The following ADGRA2 variants were observed in gnomAD, a reference collection of about 807,000 sequenced individuals.
The protein encoded by ADGRA2 is G-protein coupled receptor 124.
In ADGRA2, 61 loss-of-function variants were observed where a neutral mutation model predicts 98.7. The ratio of observed to expected loss-of-function variants is 0.62; its 90% confidence interval spans 0.50 to 0.76. ADGRA2 has a LOEUF of 0.76. Ranked by LOEUF, ADGRA2 falls within the 30% of genes least tolerant of loss-of-function variation. ADGRA2 has a pLI of 0.00. For synonymous variants in ADGRA2, 858 were observed against 831.5 expected, an observed-to-expected ratio of 1.03 and a Z score of -0.55; for missense variants, 1,712 against 1,860.0, an observed-to-expected ratio of 0.92 and a Z score of 1.46.
chr8:37,819,722 G>A (rs755643545), intron 2 of ADGRA2, among the ~76,000 whole-genome samples: 1 of 151,534 alleles, frequency 6.6e-6, no homozygotes, highest in Non-Finnish European at 1.5e-5. Flanking sequence ...CCAGTCTGGA[G>A]TGCAGTGGCA....
chr8:37,803,689 C>T (rs1804572406), intron 1 of ADGRA2, among the ~76,000 whole-genome samples: 1 of 152,132 alleles, frequency 6.6e-6, no homozygotes, highest in Non-Finnish European at 1.5e-5. Context: ...CTCCAGCAGC[C>T]TCCCAGGACA....
chr8:37,822,162 A>T (rs370220176), intron 2 of ADGRA2, among the ~76,000 whole-genome samples: 1 of 151,818 alleles, frequency 6.6e-6, no homozygotes, highest in African/African-American at 2.4e-5. Flanking sequence ...TGGGACTAGA[A>T]CCTCTCCCTT....
At chr8:37,828,029 T>C (rs559949699) in intron 2 of ADGRA2, among the ~76,000 whole-genome samples, 54 of 151,976 alleles carry the variant, frequency 3.6e-4, no homozygotes, top group Non-Finnish European at 6.0e-4. Flanking sequence ...GTGGTGCCAG[T>C]TGCTTGGGAG....
At chr8:37,838,615 C>T (rs888918827) in intron 14 of ADGRA2, among the ~76,000 whole-genome samples, 5 of 152,164 alleles carry the variant, frequency 3.3e-5, no homozygotes, top group Admixed American at 2.0e-4. Context: ...CCTGGTCACC[C>T]CCTCCCTCGT....
chr8:37,803,394 C>A (rs1454977552), intron 1 of ADGRA2, among the ~76,000 whole-genome samples: 2 of 152,168 alleles, frequency 1.3e-5, no homozygotes, highest in Non-Finnish European at 2.9e-5. Flanking sequence ...TGGGAGCAGC[C>A]AGAGAGCAGG....
At chr8:37,831,385 A>G in intron 7 of ADGRA2, 38 bp from the exon 8 acceptor site, 1 of 1,600,612 alleles carries the variant, frequency 6.2e-7, no homozygotes, top group Non-Finnish European at 8.5e-7. Flanking sequence ...GCTGGGCCCA[A>G]GGGTGACTCA....
In ADGRA2 at chr8:37,797,299, G is replaced by A; in HGVS notation, c.31G>A (p.Ala11Thr). 2.3e-6 allele frequency: 3 copies of A among 1,311,502 alleles called. No individual in the cohort carries two copies. The highest frequency in any genetic ancestry group is 3.2e-5 in the East Asian group (1 of 31,704). 81.2% of individuals were successfully genotyped at this position (1,311,502 alleles called of 1,614,324 possible). Residue 11 changes from alanine to threonine, a missense_variant, in exon 1 of 19, where the codon GCG becomes ACG. Ala to Thr is a moderately conservative substitution (Grantham distance 58). Coordinates refer to ENST00000412232, the MANE Select transcript of ADGRA2 (RefSeq NM_032777.10). The surrounding 1 kb of genome is among the most constrained non-coding windows in gnomAD (Gnocchi z 5.3). MGAGGRRMRG[A>T]PARLLLPLLP... ...CGCCGGGGGACGCAGGATGCGGGGGGCGCCCGCGCGCCTGCTGCTGCCGCT... is the reference window on the plus strand; with the variant it reads ...CGCCGGGGGACGCAGGATGCGGGGGACGCCCGCGCGCCTGCTGCTGCCGCT...
chr8:37,820,769 G>T (rs960997269), intron 2 of ADGRA2, among the ~76,000 whole-genome samples: 10 of 151,578 alleles, frequency 6.6e-5, no homozygotes, highest in African/African-American at 2.4e-4. Flanking sequence ...TACGTGAGGG[G>T]GTCGCCTTGT....
intron 1 of ADGRA2, among the ~76,000 whole-genome samples, chr8:37,812,511 C>T (rs979889070): frequency 6.6e-6 from 1 of 152,122 alleles, no homozygotes; most frequent in Non-Finnish European, 1.5e-5. Context: ...CCTGTAGTCC[C>T]AGCTACTCTG....
Position 37,834,867 on chromosome 8 carries a change from A to T in ADGRA2, c.1609-307A>T, listed in dbSNP as rs180680776. Reference sequence around the variant, plus strand: ...CATGGTGAAACCCCATCTCTAAAAAAAAGTTTTTAATTAGATGGGCATGGT... The same window carrying T: ...CATGGTGAAACCCCATCTCTAAAAATAAGTTTTTAATTAGATGGGCATGGT... On this transcript the variant is annotated intron_variant, in intron 11 of 18. Coordinates refer to ENST00000412232, the MANE Select transcript of ADGRA2 (RefSeq NM_032777.10). This position sits in a 1 kb window ranked among gnomAD's most constrained non-coding sequence, Gnocchi z 4.2. Among the ~76,000 whole-genome samples the T allele has an allele frequency of 1.3e-5, 2 of 152,236 alleles. No homozygotes were observed. The highest frequency in any genetic ancestry group is 4.2e-4 in the South Asian group (2 of 4,810).
At chr8:37,809,778 C>A (rs1804772841) in intron 1 of ADGRA2, among the ~76,000 whole-genome samples, 1 of 152,156 alleles carries the variant, frequency 6.6e-6, no homozygotes, top group African/African-American at 2.4e-5. Context: ...GCCCTTGCCT[C>A]CCAGCACACA....
Position 37,841,678 on chromosome 8 carries a change from C to A in ADGRA2, c.3340C>A (p.Pro1114Thr). The change falls in exon 19 of 19, where the codon CCC (proline) becomes ACC (threonine). Residue 1114 changes from proline (P) to threonine (T), a missense_variant. Pro to Thr is a conservative substitution (Grantham distance 38). Coordinates refer to ENST00000412232, the MANE Select transcript of ADGRA2 (RefSeq NM_032777.10). The surrounding 1 kb of genome is among the most constrained non-coding windows in gnomAD (Gnocchi z 5.0). ...EDGSPVFGEGPPSLKSSPSGS... is the reference protein window; with the variant it reads ...EDGSPVFGEGTPSLKSSPSGS... ...CGGTTCCCCGGTGTTCGGGGAGGGC[C>A]CCCCCTCCCTCAAGTCCTCCCCAAG... 1 of 1,526,848 alleles carries A rather than the reference C, an allele frequency of 6.5e-7. No homozygotes were observed. The allele number at this position is 1,526,848 out of a possible 1,614,324, so 94.6% of individuals were successfully genotyped here. A position where few individuals can be genotyped will look rare whatever the true frequency, so the allele number is the denominator to read the frequency against.
chr8:37,821,593 G>A (rs1446523463), intron 2 of ADGRA2, among the ~76,000 whole-genome samples: 1 of 152,214 alleles, frequency 6.6e-6, no homozygotes, highest in Non-Finnish European at 1.5e-5. Flanking sequence ...CTCTAGACCA[G>A]GGACCAAGCC....
chr8:37,835,709 T>G lies in ADGRA2; in HGVS notation c.1989T>G (p.Pro663=), dbSNP rs1805591232. ...ACAGCCACAGCAACACCTCCCGCCC[T>G]GGAGCTGCTGGGCCTGGCAAGAGGC... ...LFHSHSNTSR[P]GAAGPGKRRG... is the part of the protein sequence containing the mutation. Residue 663 remains proline, a synonymous_variant, in exon 13 of 19, where the codon CCT becomes CCG. Transcript: ENST00000412232. 1.2e-6 allele frequency: 2 copies of G among 1,613,754 alleles called. No homozygotes were observed. The highest frequency in any genetic ancestry group is 1.7e-6 in the Non-Finnish European group (2 of 1,179,932).
chr8:37,835,462 G>A (rs1805582120), intron 12 of ADGRA2, 64 bp downstream of exon 12: 3 of 1,532,786 alleles, frequency 2.0e-6, no homozygotes, highest in Non-Finnish European at 2.7e-6. Context: ...GTGCCTGGTG[G>A]GGGCAGTGAG....
intron 1 of ADGRA2, among the ~76,000 whole-genome samples, chr8:37,800,697 G>C (rs1024950140): frequency 6.6e-6 from 1 of 152,130 alleles, no homozygotes; most frequent in Non-Finnish European, 1.5e-5. Context: ...CCCTGCATCT[G>C]GGAAGGAGGG....
At chr8:37,817,833 A>G (rs1428266335) in intron 2 of ADGRA2, among the ~76,000 whole-genome samples, 1 of 152,192 alleles carries the variant, frequency 6.6e-6, no homozygotes, top group Non-Finnish European at 1.5e-5. Flanking sequence ...CCTGGCCAAC[A>G]TGGTGAAACC....
At position 37,834,138 on chromosome 8, in the gene ADGRA2, G is replaced by A. The variant is rs566850034; in HGVS notation, c.1608+10G>A. ...CCAGCACATCTCAGTGGTAATGGGG[G>A]TCAGCAGAGGGGGTGGCCCTGGCAT... On this transcript the variant is annotated intron_variant, in intron 11 of 18. Transcript: ENST00000412232. This position sits in a 1 kb window ranked among gnomAD's most constrained non-coding sequence, Gnocchi z 4.2. 6 of 1,603,992 alleles carry A rather than the reference G, an allele frequency of 3.7e-6. No individual in the cohort carries two copies. In the African/African-American group the frequency reaches 6.7e-5, roughly 18 times the overall value.
chr8:37,797,039 G>A lies in ADGRA2; in HGVS notation c.-230G>A. 5.2e-6 allele frequency: 1 copy of A among 192,032 alleles called. No homozygotes were observed. Among genetic ancestry groups the A allele is most frequent in the Non-Finnish European group, 1.0e-5 (1 of 96,064 alleles). 11.9% of individuals were successfully genotyped at this position (192,032 alleles called of 1,614,324 possible). ...GACTCCGGCCGCGCAGCTGGGAGCT[G>A]CCCGCGCTGCGCTGACAGCCGCGCC... On this transcript the variant is annotated 5_prime_UTR_variant, in exon 1 of 19. Coordinates refer to ENST00000412232, the MANE Select transcript of ADGRA2 (RefSeq NM_032777.10). This position sits in a 1 kb window ranked among gnomAD's most constrained non-coding sequence, Gnocchi z 5.3.
Sources: allele counts gnomAD v4.1 joint callset (sites outside exome capture counted in the v4.1 genomes callset), GRCh38; gene constraint gnomAD v4.1.1; non-coding constraint Gnocchi (gnomAD v3.1); transcripts MANE v1.5; gene names NCBI Gene and HGNC (gene_info 2026-07-23, HGNC 2026-07-21).